Variants in ASTN2 observed in about 807,000 individuals in gnomAD.
ASTN2 encodes astrotactin 2.
A neutral mutation model predicts 139.8 loss-of-function variants in ASTN2; 54 were observed. The ratio of observed to expected loss-of-function variants is 0.39; its 90% CI spans 0.31 to 0.48. The LOEUF (loss-of-function observed/expected upper bound fraction) is 0.48. Ranked by LOEUF, ASTN2 falls within the 20% of genes least tolerant of loss-of-function variation. The pLI is 0.95. For synonymous variants in ASTN2, 756 were observed against 719.5 expected, an observed-to-expected ratio of 1.05 and a Z score of -0.81; for missense variants, 1,565 against 1,725.1, an observed-to-expected ratio of 0.91 and a Z score of 1.64.
At chr9:116,476,656 C>T (rs10983187) in intron 20 of ASTN2, among the ~76,000 whole-genome samples, 8,521 of 152,266 alleles carry the variant, frequency 0.056, 318 homozygotes, top group East Asian at 0.16. Flanking sequence ...TTTTCTTGAA[C>T]ACTGTGCACT....
At chr9:116,434,906 T>C (rs1287080692) in intron 22 of ASTN2, among the ~76,000 whole-genome samples, 2 of 152,152 alleles carry the variant, frequency 1.3e-5, no homozygotes, top group Non-Finnish European at 2.9e-5. Flanking sequence ...CACTAAATCT[T>C]ATGGGGATAT....
chr9:117,074,725 C>G (rs1172154189), intron 5 of ASTN2, among the ~76,000 whole-genome samples: 1 of 152,172 alleles, frequency 6.6e-6, no homozygotes, highest in Non-Finnish European at 1.5e-5. Context: ...GCTGTGTATA[C>G]AATACCTCTT....
chr9:116,443,995 AATT>A (rs1275080496), intron 20 of ASTN2, among the ~76,000 whole-genome samples: 2 of 152,186 alleles, frequency 1.3e-5, no homozygotes, highest in African/African-American at 2.4e-5. Context: ...GATACAAATT[AATT>A]ATTATGTGCT....
At chr9:117,267,726 A>C (rs1300991012) in intron 2 of ASTN2, among the ~76,000 whole-genome samples, 2 of 152,140 alleles carry the variant, frequency 1.3e-5, no homozygotes, top group Non-Finnish European at 2.9e-5. Flanking sequence ...ACTTCAGCTC[A>C]CTCTCTGACT....
intron 19 of ASTN2, among the ~76,000 whole-genome samples, chr9:116,605,886 G>C (rs1444670740): frequency 6.6e-6 from 1 of 152,182 alleles, no homozygotes; most frequent in Non-Finnish European, 1.5e-5. Flanking sequence ...TGTGGGAGTA[G>C]ATAGGAAAGA....
chr9:116,812,051 T>C (rs185050139), intron 12 of ASTN2, among the ~76,000 whole-genome samples: 1 of 152,250 alleles, frequency 6.6e-6, no homozygotes, highest in East Asian at 1.9e-4. Context: ...GTTAAATATA[T>C]GCATTATTTG....
intron 6 of ASTN2, among the ~76,000 whole-genome samples, chr9:117,018,873 C>A (rs1316619281): frequency 6.6e-6 from 1 of 151,858 alleles, no homozygotes; most frequent in Non-Finnish European, 1.5e-5. Flanking sequence ...ACTTTTATTC[C>A]CATTGTACAG....
intron 17 of ASTN2, among the ~76,000 whole-genome samples, chr9:116,625,359 G>A (rs1446261787): frequency 2.0e-5 from 3 of 152,102 alleles, no homozygotes; most frequent in Non-Finnish European, 2.9e-5. Context: ...GCTTGAACCC[G>A]GGAGGTGGAG....
At chr9:116,454,004 A>T (rs1216407403) in intron 20 of ASTN2, among the ~76,000 whole-genome samples, 2 of 152,198 alleles carry the variant, frequency 1.3e-5, no homozygotes, top group Non-Finnish European at 2.9e-5. Flanking sequence ...TGCCCCATGG[A>T]CTTTGCTTTC....
At chr9:116,512,969 G>T (rs887882468) in intron 19 of ASTN2, among the ~76,000 whole-genome samples, 4 of 152,112 alleles carry the variant, frequency 2.6e-5, no homozygotes, top group Non-Finnish European at 4.4e-5. Flanking sequence ...GCCAATCTGT[G>T]TCTTTTAATC....
At chr9:117,383,850 G>A (rs182441519) in intron 1 of ASTN2, among the ~76,000 whole-genome samples, 11 of 152,270 alleles carry the variant, frequency 7.2e-5, no homozygotes, top group Admixed American at 3.3e-4. Flanking sequence ...GATTTGTTAC[G>A]CTCAGCTCCC....
chr9:116,595,901 A>G (rs1015155198), intron 19 of ASTN2, among the ~76,000 whole-genome samples: 1 of 152,204 alleles, frequency 6.6e-6, no homozygotes, highest in Non-Finnish European at 1.5e-5. Flanking sequence ...TAGAACTGCT[A>G]GATGATCCAG....
At chr9:117,027,092 G>A (rs564514836) in intron 6 of ASTN2, among the ~76,000 whole-genome samples, 2 of 152,144 alleles carry the variant, frequency 1.3e-5, no homozygotes, top group African/African-American at 4.8e-5. Flanking sequence ...AAGGAGACTC[G>A]ACTTAGACTG....
chr9:116,870,166 A>G (rs1174275339), intron 10 of ASTN2, among the ~76,000 whole-genome samples: 3 of 152,212 alleles, frequency 2.0e-5, no homozygotes, highest in African/African-American at 7.2e-5. Flanking sequence ...ATTTACAGAA[A>G]GACACAGCCA....
chr9:117,327,766 C>G (rs1053703633), intron 1 of ASTN2, among the ~76,000 whole-genome samples: 8 of 152,170 alleles, frequency 5.3e-5, no homozygotes, highest in Admixed American at 2.6e-4. Flanking sequence ...CAATAAGACA[C>G]TGCAACAAGC....
At chr9:116,693,520 G>A (rs1331217936) in intron 16 of ASTN2, among the ~76,000 whole-genome samples, 1 of 152,142 alleles carries the variant, frequency 6.6e-6, no homozygotes, top group Non-Finnish European at 1.5e-5. Flanking sequence ...GGGAGCTGAA[G>A]AGATGTGCTA....
At chr9:116,490,303 A>AAAAAAAAAAAAAAAAAAAG (rs1564314423) in intron 19 of ASTN2, among the ~76,000 whole-genome samples, 18 of 104,574 alleles carry the variant, frequency 1.7e-4, no homozygotes, top group South Asian at 3.5e-4. Context: ...AAAAAAAAAA[A>AAAAAAAAAAAAAAAAAAAG]GGGGGCATTG....
intron 1 of ASTN2, among the ~76,000 whole-genome samples, chr9:117,341,847 A>T (rs1400376434): frequency 1.3e-5 from 2 of 152,198 alleles, no homozygotes; most frequent in Non-Finnish European, 2.9e-5. Flanking sequence ...AAATACCAGC[A>T]CACACTGTGT....
intron 19 of ASTN2, chr9:116,612,188 T>C (rs1246338468): frequency 6.6e-6 from 1 of 152,148 alleles, no homozygotes; most frequent in African/African-American, 2.4e-5. Context: ...TAAATATATA[T>C]GCACCCAATA....
Sources: gnomAD v4.1 joint callset for allele counts (sites outside exome capture counted in the v4.1 genomes callset) on GRCh38, gnomAD v4.1.1 for gene constraint, MANE v1.5 for transcripts, NCBI Gene and HGNC (gene_info 2026-07-23, HGNC 2026-07-21) for gene names.